Variants in RFX4 observed in about 807,000 individuals in gnomAD.
RFX4 encodes regulatory factor X4.
RFX4 carries 10 observed loss-of-function variants against 95.0 expected under a neutral mutation model. That is an observed-to-expected ratio of 0.11 (90% CI 0.06 to 0.18). The LOEUF is 0.18. RFX4 is among the 10% of genes least tolerant of loss of function. The pLI is 1.00. For missense variants in RFX4, 640 were observed against 922.0 expected, an observed-to-expected ratio of 0.69 and a Z score of 3.96; for synonymous variants, 321 against 340.7, an observed-to-expected ratio of 0.94 and a Z score of 0.64.
chr12:106,587,495 C>T (rs1173774018), intron 1 of RFX4, among the ~76,000 whole-genome samples: 1 of 152,212 alleles, frequency 6.6e-6, no homozygotes, highest in Non-Finnish European at 1.5e-5. Flanking sequence ...GGGGCCTCCC[C>T]GCCGCTGTGT....
At chr12:106,663,790 A>C (rs2041122871) in intron 4 of RFX4, among the ~76,000 whole-genome samples, 1 of 151,176 alleles carries the variant, frequency 6.6e-6, no homozygotes, top group Non-Finnish European at 1.5e-5. Context: ...TGGGTGTTTC[A>C]ATTTGCCAAA....
At chr12:106,603,131 G>T (rs2039746487) in intron 1 of RFX4, among the ~76,000 whole-genome samples, 1 of 152,176 alleles carries the variant, frequency 6.6e-6, no homozygotes, top group Non-Finnish European at 1.5e-5. Flanking sequence ...CTAAGAGGTT[G>T]CTGTCAGTGT....
rs765609511 is a variant in RFX4, at chr12:106,709,324, T to C, written c.834-6T>C. 3 of 1,612,958 alleles carry C rather than the reference T, an allele frequency of 1.9e-6. No individual in the cohort carries two copies. The South Asian group carries it at 3.3e-5, about 18-fold the overall frequency. On this transcript the variant is annotated splice_polypyrimidine_tract_variant and splice_region_variant and intron_variant, in intron 8 of 17. Transcript: ENST00000392842. ...AGCACTTAAAACTCATCGTTTCTTT[T>C]TCTAGCTTAACTCAGGTGATTCGAA... is the stretch of plus-strand genomic sequence containing the variant.
intron 4 of RFX4, among the ~76,000 whole-genome samples, chr12:106,654,837 G>A (rs1368749960): frequency 1.3e-5 from 2 of 152,150 alleles, no homozygotes; most frequent in Non-Finnish European, 2.9e-5. Context: ...CACATTTAGA[G>A]CTATGTCTAC....
intron 4 of RFX4, among the ~76,000 whole-genome samples, chr12:106,654,553 A>G (rs1024516246): frequency 3.3e-5 from 5 of 152,212 alleles, no homozygotes; most frequent in Non-Finnish European, 7.3e-5. Context: ...AAGAAATTCA[A>G]TGTCTCACTT....
chr12:106,757,548 A>C (rs375814062), intron 17 of RFX4, among the ~76,000 whole-genome samples: 23 of 130,560 alleles, frequency 1.8e-4, no homozygotes, highest in Admixed American at 5.0e-4. Context: ...ACCCTGTCTC[A>C]AAAAAAAAAA....
intron 1 of RFX4, 54 bp downstream of exon 1, chr12:106,583,417 G>A (rs372522127): frequency 4.0e-6 from 6 of 1,490,774 alleles, no homozygotes; most frequent in African/African-American, 2.9e-5. Context: ...GGAGAAGGGA[G>A]AGGGGGAACT....
intron 15 of RFX4, among the ~76,000 whole-genome samples, chr12:106,746,146 A>T (rs971954862): frequency 6.6e-6 from 1 of 152,116 alleles, no homozygotes; most frequent in Non-Finnish European, 1.5e-5. Context: ...TCACAAGGTT[A>T]GGAGTTCGAG....
intron 16 of RFX4, among the ~76,000 whole-genome samples, chr12:106,750,081 G>T (rs1164679031): frequency 6.6e-6 from 1 of 152,170 alleles, no homozygotes; most frequent in Non-Finnish European, 1.5e-5. Flanking sequence ...AACGCTGGCT[G>T]GGGGGTAAGG....
At chr12:106,734,328 G>T (rs1259967555) in intron 15 of RFX4, among the ~76,000 whole-genome samples, 1 of 152,178 alleles carries the variant, frequency 6.6e-6, no homozygotes, top group Non-Finnish European at 1.5e-5. Flanking sequence ...GGGCGTGGTG[G>T]CTCATGCCTG....
intron 1 of RFX4, among the ~76,000 whole-genome samples, chr12:106,595,496 G>A (rs2039605826): frequency 2.0e-5 from 3 of 152,094 alleles, no homozygotes; most frequent in South Asian, 4.2e-4. Context: ...GGATGCCCAC[G>A]GGCACTCCTC....
intron 4 of RFX4, among the ~76,000 whole-genome samples, chr12:106,666,943 C>A (rs1342932755): frequency 2.0e-5 from 3 of 151,836 alleles, no homozygotes; most frequent in African/African-American, 7.3e-5. Flanking sequence ...TTTTAGCATG[C>A]CTTGTAATTC....
At chr12:106,728,108 T>G (rs554974542) in intron 13 of RFX4, among the ~76,000 whole-genome samples, 1 of 152,152 alleles carries the variant, frequency 6.6e-6, no homozygotes, top group Non-Finnish European at 1.5e-5. Context: ...TTTTCTATGA[T>G]GCATATTTTT....
chr12:106,726,598 G>A (rs142285534), intron 13 of RFX4, among the ~76,000 whole-genome samples: 8 of 152,086 alleles, frequency 5.3e-5, no homozygotes, highest in Admixed American at 3.3e-4. Flanking sequence ...TCATTACTTC[G>A]TGTTATATTT....
chr12:106,758,811 A>G (rs1024898760), intron 17 of RFX4, among the ~76,000 whole-genome samples: 1 of 152,176 alleles, frequency 6.6e-6, no homozygotes, highest in Non-Finnish European at 1.5e-5. Flanking sequence ...GTGCTCCCCA[A>G]CTGGGTTTCT....
Position 106,610,237 on chromosome 12 carries a change from C to CA in RFX4, c.130+1375dup, listed in dbSNP as rs398044781. 8.5e-3 allele frequency among the ~76,000 whole-genome samples: 650 copies of CA among 76,894 alleles called. 7 individuals carry two copies. The highest frequency in any genetic ancestry group is 0.032 in the East Asian group (54 of 1,700). 50.4% of individuals were successfully genotyped at this position (76,894 alleles called of 152,430 possible). Reference sequence around the variant, plus strand: ...TGGGCAACAGAGTGAGACTCCATCTCAAAAAAAAAAAAAAAAAAAAAGAAT... The same window carrying CA: ...TGGGCAACAGAGTGAGACTCCATCTCAAAAAAAAAAAAAAAAAAAAAAGAAT... On this transcript the variant is annotated intron_variant, in intron 2 of 17. Coordinates refer to ENST00000392842, the MANE Select transcript of RFX4 (RefSeq NM_213594.3).
intron 7 of RFX4, among the ~76,000 whole-genome samples, chr12:106,690,187 ATGTT>A (rs1177036994): frequency 3.9e-5 from 6 of 152,102 alleles, no homozygotes; most frequent in African/African-American, 1.4e-4. Flanking sequence ...TTAGGAGTAA[ATGTT>A]TGTTGAGCAC....
intron 5 of RFX4, 152 bp from the exon 6 acceptor site, chr12:106,686,732 A>G: frequency 1.5e-6 from 1 of 650,788 alleles, no homozygotes. Context: ...CTTACAGGAG[A>G]GTTAACTCTT....
chr12:106,681,948 C>T (rs1592932351), intron 4 of RFX4, 45 bp from the exon 5 acceptor site: 2 of 1,605,198 alleles, frequency 1.2e-6, no homozygotes, highest in Non-Finnish European at 8.5e-7. Flanking sequence ...TCACTATGCT[C>T]CCAACTCTTC....
Sources: allele counts gnomAD v4.1 joint callset (sites outside exome capture counted in the v4.1 genomes callset), GRCh38; gene constraint gnomAD v4.1.1; transcripts MANE v1.5; gene names NCBI Gene and HGNC (gene_info 2026-07-23, HGNC 2026-07-21).